The following CTNNA3 variants were observed in gnomAD, a reference collection of about 807,000 sequenced individuals.
CTNNA3 encodes the protein catenin alpha 3, also known as catenin alpha-3.
CTNNA3 carries 76 observed loss-of-function variants against 95.7 expected under a neutral mutation model. That is an observed-to-expected ratio of 0.79 (90% CI 0.66 to 0.96). The LOEUF is 0.96. Ranked by LOEUF, CTNNA3 falls within the 40% of genes least tolerant of loss-of-function variation. The pLI is 0.00. For missense variants in CTNNA3, 1,191 were observed against 1,089.8 expected, an observed-to-expected ratio of 1.09 and a Z score of -1.31; for synonymous variants, 431 against 374.4, an observed-to-expected ratio of 1.15 and a Z score of -1.74.
At chr10:66,268,812 C>G (rs1272851639) in intron 13 of CTNNA3, among the ~76,000 whole-genome samples, 1 of 152,126 alleles carries the variant, frequency 6.6e-6, no homozygotes, top group Non-Finnish European at 1.5e-5. Context: ...ACCAAACTTC[C>G]TATTCAATTA....
intron 14 of CTNNA3, chr10:66,078,959 C>A (rs113369135): frequency 4.9e-4 from 75 of 151,992 alleles, no homozygotes; most frequent in African/African-American, 1.8e-3. Flanking sequence ...ACCTGAATTC[C>A]ATGACCCAGT....
intron 7 of CTNNA3, among the ~76,000 whole-genome samples, chr10:66,892,116 C>T (rs565119359): frequency 1.3e-5 from 2 of 151,990 alleles, no homozygotes; most frequent in African/African-American, 4.8e-5. Flanking sequence ...ACAGAAATAA[C>T]CATAATTCCT....
At chr10:66,258,443 T>G (rs1435749452) in intron 13 of CTNNA3, among the ~76,000 whole-genome samples, 1 of 152,164 alleles carries the variant, frequency 6.6e-6, no homozygotes, top group Non-Finnish European at 1.5e-5. Flanking sequence ...TTCCTTTGGA[T>G]TAAAAGGAAA....
intron 17 of CTNNA3, among the ~76,000 whole-genome samples, chr10:65,929,729 C>T (rs766213275): frequency 6.6e-6 from 1 of 151,958 alleles, no homozygotes; most frequent in Non-Finnish European, 1.5e-5. Flanking sequence ...CCACCACGCC[C>T]TGCTAATTTT....
chr10:66,015,843 G>T (rs1334538483), intron 15 of CTNNA3, among the ~76,000 whole-genome samples: 1 of 151,818 alleles, frequency 6.6e-6, no homozygotes, highest in Non-Finnish European at 1.5e-5. Flanking sequence ...TCATATATAT[G>T]TACCATATAA....
chr10:67,731,387 A>C (rs1472412496), intron 1 of CTNNA3, among the ~76,000 whole-genome samples: 1 of 152,150 alleles, frequency 6.6e-6, no homozygotes, highest in East Asian at 1.9e-4. Context: ...GGGCTGAGGC[A>C]GCAGAATCGG....
chr10:66,920,115 T>C (rs1315692212), intron 7 of CTNNA3, among the ~76,000 whole-genome samples: 1 of 152,332 alleles, frequency 6.6e-6, no homozygotes, highest in East Asian at 1.9e-4. Flanking sequence ...CCTTAATATA[T>C]GCTCATGGCC....
At chr10:66,429,799 C>T (rs1460522025) in intron 11 of CTNNA3, among the ~76,000 whole-genome samples, 37 of 152,080 alleles carry the variant, frequency 2.4e-4, no homozygotes, top group Non-Finnish European at 3.4e-4. Context: ...CAATATCATA[C>T]TGAATGGGCA....
intron 1 of CTNNA3, among the ~76,000 whole-genome samples, chr10:67,677,177 C>G (rs1482513593): frequency 6.6e-6 from 1 of 152,126 alleles, no homozygotes; most frequent in Non-Finnish European, 1.5e-5. Context: ...CCCTTTTACG[C>G]TAGTATCTGA....
At chr10:66,140,392 C>T (rs570657714) in intron 13 of CTNNA3, among the ~76,000 whole-genome samples, 69 of 152,232 alleles carry the variant, frequency 4.5e-4, no homozygotes, top group African/African-American at 1.2e-3. Flanking sequence ...TGTTAAGATG[C>T]ATTTCAAGAG....
chr10:66,303,890 G>A (rs1002754342), intron 12 of CTNNA3, among the ~76,000 whole-genome samples: 4 of 152,026 alleles, frequency 2.6e-5, no homozygotes, highest in Non-Finnish European at 4.4e-5. Flanking sequence ...CACTGTGCCC[G>A]GTAAAACTTG....
Position 66,100,184 on chromosome 10 carries a change from G to A in CTNNA3, c.1977+2973C>T, listed in dbSNP as rs975676727. On this transcript the variant is annotated intron_variant, in intron 14 of 17. Coordinates refer to ENST00000433211, the MANE Select transcript of CTNNA3 (RefSeq NM_013266.4). ...CAGTCTAAAGACACAGTATCAACAT[G>A]GTTACTACTTGATCCTACTGGGGAC... Among the ~76,000 whole-genome samples the A allele has an allele frequency of 1.1e-4, 16 of 152,066 alleles. 1 individual carries two copies. The highest frequency in any genetic ancestry group is 7.4e-5 in the Non-Finnish European group (5 of 68,022).
intron 7 of CTNNA3, among the ~76,000 whole-genome samples, chr10:66,962,959 C>A (rs893478590): frequency 1.3e-5 from 2 of 149,902 alleles, no homozygotes; most frequent in African/African-American, 5.0e-5. Flanking sequence ...GGCAAGAATT[C>A]AATAAGTAGT....
intron 11 of CTNNA3, among the ~76,000 whole-genome samples, chr10:66,495,391 T>C (rs1178715848): frequency 6.6e-6 from 1 of 152,110 alleles, no homozygotes; most frequent in African/African-American, 2.4e-5. Flanking sequence ...TAACGAGATA[T>C]AGGCTTGAAC....
chr10:66,515,096 G>A (rs901564561), intron 11 of CTNNA3, among the ~76,000 whole-genome samples: 1 of 151,964 alleles, frequency 6.6e-6, no homozygotes, highest in African/African-American at 2.4e-5. Context: ...ATCTTCCTCT[G>A]TGGTAATAAC....
At chr10:66,019,067 A>AGGG (rs2079149376) in intron 15 of CTNNA3, among the ~76,000 whole-genome samples, 2 of 152,162 alleles carry the variant, frequency 1.3e-5, no homozygotes, top group African/African-American at 4.8e-5. Flanking sequence ...CCAAATGGCT[A>AGGG]AACTAACTCA....
chr10:66,356,144 C>A (rs1183523037), intron 12 of CTNNA3, among the ~76,000 whole-genome samples: 24 of 107,940 alleles, frequency 2.2e-4, no homozygotes, highest in African/African-American at 1.0e-3. Context: ...TTTTTTTTGG[C>A]TATTCTGGTT....
At chr10:67,302,045 A>ACG in intron 5 of CTNNA3, among the ~76,000 whole-genome samples, 1 of 88,476 alleles carries the variant, frequency 1.1e-5, no homozygotes, top group East Asian at 4.5e-4. Flanking sequence ...GAAAGAAAGA[A>ACG]AGAAAGAAAG....
intron 3 of CTNNA3, among the ~76,000 whole-genome samples, chr10:67,559,814 C>A (rs575116234): frequency 6.6e-6 from 1 of 152,116 alleles, no homozygotes; most frequent in East Asian, 1.9e-4. Context: ...AGCTGAAAAC[C>A]AAGGTTCGAG....
Sources: gnomAD v4.1 joint callset for allele counts (sites outside exome capture counted in the v4.1 genomes callset) on GRCh38, gnomAD v4.1.1 for gene constraint, MANE v1.5 for transcripts, NCBI Gene and HGNC (gene_info 2026-07-23, HGNC 2026-07-21) for gene names.